The following ST8SIA5 variants were observed in gnomAD, a reference collection of about 807,000 sequenced individuals.
ST8SIA5 encodes alpha-2,8-sialyltransferase 8E.
Under a neutral mutation model 40.2 loss-of-function variants are expected in ST8SIA5, and 24 were observed. That is an observed-to-expected ratio of 0.60 (90% confidence interval 0.43 to 0.84). The LOEUF is 0.84. Ranked by LOEUF, ST8SIA5 falls within the 40% of genes least tolerant of loss-of-function variation. The pLI is 0.00. For missense variants in ST8SIA5, 465 were observed against 498.5 expected, an observed-to-expected ratio of 0.93 and a Z score of 0.64; for synonymous variants, 198 against 201.8, an observed-to-expected ratio of 0.98 and a Z score of 0.16.
intron 4 of ST8SIA5, among the ~76,000 whole-genome samples, chr18:46,687,421 T>C (rs934053200): frequency 6.6e-6 from 1 of 152,184 alleles, no homozygotes; most frequent in African/African-American, 2.4e-5. Context: ...AGCCCTGCTG[T>C]CTGTCTCTGG....
At chr18:46,751,644 C>G (rs904875775) in intron 1 of ST8SIA5, among the ~76,000 whole-genome samples, 5 of 152,132 alleles carry the variant, frequency 3.3e-5, no homozygotes, top group Admixed American at 3.3e-4. Context: ...ATCCACCAGC[C>G]TAGGCCTCCC....
chr18:46,755,984 A>ACAAACAAT (rs1396677371), intron 1 of ST8SIA5, among the ~76,000 whole-genome samples: 3 of 152,172 alleles, frequency 2.0e-5, no homozygotes, highest in African/African-American at 7.2e-5. Context: ...AAACAAACAA[A>ACAAACAAT]CAAACAATCG....
In ST8SIA5 at chr18:46,668,530, G is replaced by A. The variant is rs1316754576; in HGVS notation, c.*11512C>T. 1.3e-5 allele frequency: 2 copies of A among 152,642 alleles called. No individual in the cohort carries two copies. Among genetic ancestry groups the A allele is most frequent in the Non-Finnish European group, 2.9e-5 (2 of 68,160 alleles). 9.5% of individuals were successfully genotyped at this position (152,642 alleles called of 1,614,324 possible). ...GCTTTACTTGGGGAGGGAAGTGGCG[G>A]GGGATTGGTTCCAAACTGTACCATT... On this transcript the variant is annotated 3_prime_UTR_variant, in exon 7 of 7. Coordinates refer to ENST00000315087, the MANE Select transcript of ST8SIA5 (RefSeq NM_013305.6).
intron 1 of ST8SIA5, among the ~76,000 whole-genome samples, chr18:46,729,127 C>T (rs1225476261): frequency 1.3e-5 from 2 of 152,114 alleles, no homozygotes; most frequent in African/African-American, 4.8e-5. Flanking sequence ...TCCCTGAGGC[C>T]CTTCTTGACC....
rs371118354 is a variant in ST8SIA5 at position 46,725,850 on chromosome 18, G to A, written c.132-21186C>T. On this transcript the variant is annotated intron_variant, in intron 1 of 6. Coordinates refer to ENST00000315087, the MANE Select transcript of ST8SIA5 (RefSeq NM_013305.6). ...AAAAAACATTTCATGGCTGGGCACA[G>A]TGGCTCACGCCTGTAATCCCAGCAC... Among the ~76,000 whole-genome samples, 72 of 150,492 alleles carry A rather than the reference G, an allele frequency of 4.8e-4. 1 individual carries two copies. In the East Asian group the frequency reaches 0.012, roughly 25 times the overall value.
chr18:46,714,827 C>A (rs1373575478), intron 1 of ST8SIA5, among the ~76,000 whole-genome samples: 1 of 152,180 alleles, frequency 6.6e-6, no homozygotes, highest in African/African-American at 2.4e-5. Context: ...CTCAGTTTTG[C>A]AGATGAAGTA....
At chr18:46,738,555 G>A (rs768418807) in intron 1 of ST8SIA5, among the ~76,000 whole-genome samples, 2 of 152,196 alleles carry the variant, frequency 1.3e-5, no homozygotes, top group Non-Finnish European at 2.9e-5. Context: ...CCTCATCTCA[G>A]TTTTGCAGCA....
intron 1 of ST8SIA5, among the ~76,000 whole-genome samples, chr18:46,747,129 C>G (rs1218521985): frequency 6.6e-6 from 1 of 152,102 alleles, no homozygotes; most frequent in African/African-American, 2.4e-5. Context: ...AGAAGAAAAC[C>G]TAGGCAATAC....
intron 1 of ST8SIA5, among the ~76,000 whole-genome samples, chr18:46,745,066 G>C (rs539916270): frequency 8.7e-4 from 132 of 152,204 alleles, no homozygotes; most frequent in Non-Finnish European, 1.6e-4. Flanking sequence ...ATTTAAAGCA[G>C]TGTATAGAGG....
Position 46,669,496 on chromosome 18 carries a change from G to T in ST8SIA5, c.*10546C>A, listed in dbSNP as rs576816001. On this transcript the variant is annotated 3_prime_UTR_variant, in exon 7 of 7. Coordinates refer to ENST00000315087, the MANE Select transcript of ST8SIA5 (RefSeq NM_013305.6). ...AAAAGTGTCACTTTCCCCCAGAAAT[G>T]GTCATCTTTTTAAATTCACCAAAAA... 2.6e-5 allele frequency: 4 copies of T among 152,258 alleles called. No homozygotes were observed. The highest frequency in any genetic ancestry group is 7.2e-5 in the African/African-American group (3 of 41,546). 9.4% of individuals were successfully genotyped at this position (152,258 alleles called of 1,614,324 possible). A position where few individuals can be genotyped will look rare whatever the true frequency, so the allele number is the denominator to read the frequency against.
rs28461406 is a variant in ST8SIA5, at chr18:46,668,304, C to T, written c.*11738G>A. 3,442 of 152,216 alleles carry T rather than the reference C, an allele frequency of 0.023. 98 individuals carry two copies. The highest frequency in any genetic ancestry group is 0.067 in the African/African-American group (2,769 of 41,514). The allele number at this position is 152,216 out of a possible 1,614,324, so 9.4% of individuals were successfully genotyped here. On this transcript the variant is annotated 3_prime_UTR_variant, in exon 7 of 7. Transcript: ENST00000315087. ...GCCACGTGGCCGCTTTTTCTTCATA[C>T]GCAGGAGGCCACTCAGAAATGAGCC...
At chr18:46,681,874 C>G in intron 6 of ST8SIA5, 98 bp downstream of exon 6, 1 of 1,259,072 alleles carries the variant, frequency 7.9e-7, no homozygotes, top group Non-Finnish European at 1.1e-6. Context: ...TCACAGCCAG[C>G]ACACCTCCAG....
intron 2 of ST8SIA5, among the ~76,000 whole-genome samples, chr18:46,699,266 CTA>C (rs1006568062): frequency 6.6e-6 from 1 of 152,098 alleles, no homozygotes; most frequent in African/African-American, 2.4e-5. Context: ...CTTAGGTAAT[CTA>C]TAGACAGACT....
At chr18:46,716,361 G>C (rs1296787452) in intron 1 of ST8SIA5, among the ~76,000 whole-genome samples, 2 of 152,166 alleles carry the variant, frequency 1.3e-5, no homozygotes, top group Admixed American at 6.5e-5. Context: ...TCTATTTGGG[G>C]CTTGCTCTTT....
rs539525867 is a variant in ST8SIA5, at chr18:46,689,043, T to C, written c.312-124A>G. 6.2e-5 allele frequency: 76 copies of C among 1,217,766 alleles called. No individual in the cohort carries two copies. In the African/African-American group the frequency reaches 1.0e-3, roughly 17 times the overall value. The allele number at this position is 1,217,766 out of a possible 1,614,324, so 75.4% of individuals were successfully genotyped here. Reference sequence around the variant, plus strand: ...CCTCTCCTGCTCACCTATCCCACGCTTGCCCCCACCCTGCATGGAGCCGAG... The same window carrying C: ...CCTCTCCTGCTCACCTATCCCACGCCTGCCCCCACCCTGCATGGAGCCGAG... On this transcript the variant is annotated intron_variant, in intron 3 of 6. Transcript: ENST00000315087.
intron 1 of ST8SIA5, among the ~76,000 whole-genome samples, chr18:46,710,631 C>A (rs1344732608): frequency 2.1e-5 from 2 of 96,864 alleles, no homozygotes; most frequent in Non-Finnish European, 4.3e-5. Flanking sequence ...AACTCCCCCT[C>A]CCGGGTTCAA....
intron 4 of ST8SIA5, among the ~76,000 whole-genome samples, chr18:46,687,332 G>A (rs537810943): frequency 3.3e-5 from 5 of 152,334 alleles, no homozygotes; most frequent in East Asian, 1.9e-4. Flanking sequence ...TGATAGAGGT[G>A]AGTAGTAGTG....
intron 2 of ST8SIA5, among the ~76,000 whole-genome samples, chr18:46,700,232 A>C (rs754325956): frequency 1.2e-4 from 19 of 152,184 alleles, no homozygotes; most frequent in Non-Finnish European, 2.6e-4. Context: ...TGGCTGACTG[A>C]CTTTTACCAC....
intron 1 of ST8SIA5, among the ~76,000 whole-genome samples, chr18:46,710,548 T>C (rs546296060): frequency 2.8e-4 from 39 of 138,944 alleles, no homozygotes; most frequent in South Asian, 1.1e-3. Flanking sequence ...CTTTCTCTCT[T>C]TTTTTTTTTT....
Sources: allele counts gnomAD v4.1 joint callset (sites outside exome capture counted in the v4.1 genomes callset), GRCh38; gene constraint gnomAD v4.1.1; transcripts MANE v1.5; gene names NCBI Gene and HGNC (gene_info 2026-07-23, HGNC 2026-07-21).